The following LRBA variants were observed in gnomAD, a reference collection of about 807,000 sequenced individuals.
LRBA encodes LPS responsive beige-like anchor protein.
Under a neutral mutation model 330.0 loss-of-function variants are expected in LRBA, and 176 were observed. The ratio of observed to expected loss-of-function variants is 0.53; its 90% CI spans 0.47 to 0.60. The LOEUF (loss-of-function observed/expected upper bound fraction) is 0.60. Ranked by LOEUF, LRBA falls within the 20% of genes least tolerant of loss-of-function variation. The pLI, the probability that LRBA is intolerant of heterozygous loss-of-function variation, is 0.00. For missense variants in LRBA, 3,259 were observed against 3,444.8 expected (o/e 0.95, Z 1.35); for synonymous variants, 1,230 against 1,193.0 (o/e 1.03, Z -0.64).
At chr4:150,561,989 C>A (rs996892385) in intron 40 of LRBA, among the ~76,000 whole-genome samples, 3 of 152,098 alleles carry the variant, frequency 2.0e-5, no homozygotes, top group Admixed American at 6.6e-5. Flanking sequence ...TATCTATTAT[C>A]TATTACTACC....
intron 42 of LRBA, among the ~76,000 whole-genome samples, chr4:150,472,534 A>G (rs1756258525): frequency 6.6e-6 from 1 of 152,134 alleles, no homozygotes; most frequent in African/African-American, 2.4e-5. Context: ...CAATTATCAC[A>G]ATTCACTTTA....
intron 37 of LRBA, among the ~76,000 whole-genome samples, chr4:150,628,569 C>T (rs775789949): frequency 6.6e-6 from 1 of 152,134 alleles, no homozygotes; most frequent in Non-Finnish European, 1.5e-5. Flanking sequence ...ATCATTACAA[C>T]AGGACATGCA....
At chr4:150,700,232 A>T (rs1245069005) in intron 36 of LRBA, among the ~76,000 whole-genome samples, 1 of 152,174 alleles carries the variant, frequency 6.6e-6, no homozygotes, top group Middle Eastern at 3.2e-3. Context: ...GCCACAATTT[A>T]TATTTGTATA....
At chr4:150,287,853 A>G (rs1007342326) in intron 53 of LRBA, among the ~76,000 whole-genome samples, 1 of 152,214 alleles carries the variant, frequency 6.6e-6, no homozygotes, top group African/African-American at 2.4e-5. Flanking sequence ...GAAAGTTGAC[A>G]TTTCCCAAGC....
chr4:150,775,952 A>C (rs1415411799), intron 34 of LRBA, among the ~76,000 whole-genome samples: 1 of 152,084 alleles, frequency 6.6e-6, no homozygotes, highest in Non-Finnish European at 1.5e-5. Flanking sequence ...AAAAAAAAGA[A>C]AGAAAAATAT....
At chr4:150,266,862 A>G (rs1745409967) in intron 56 of LRBA, among the ~76,000 whole-genome samples, 1 of 152,234 alleles carries the variant, frequency 6.6e-6, no homozygotes, top group African/African-American at 2.4e-5. Flanking sequence ...AAGTGAAAGG[A>G]TGGAAAAGAT....
chr4:150,994,260 C>T (rs1226797244), intron 2 of LRBA, among the ~76,000 whole-genome samples: 1 of 152,082 alleles, frequency 6.6e-6, no homozygotes, highest in African/African-American at 2.4e-5. Flanking sequence ...GAACAGGGTG[C>T]TCTGAGGCTG....
chr4:150,985,531 C>T (rs972394567), intron 2 of LRBA, among the ~76,000 whole-genome samples: 4 of 150,050 alleles, frequency 2.7e-5, no homozygotes, highest in Non-Finnish European at 4.4e-5. Flanking sequence ...TGGAGTCTCG[C>T]TCTATTGCCC....
Position 150,310,364 on chromosome 4 carries a change from T to G in LRBA, c.7714A>C (p.Arg2572=). The change falls in exon 52 of 57, where the codon AGG becomes CGG. Residue 2572 remains arginine (R), a synonymous_variant. Coordinates refer to ENST00000651943, the MANE Select transcript of LRBA (RefSeq NM_001364905.1). ...PLIASNTGMH[R]RQITDLLDQS... is the part of the protein sequence containing the mutation. ...TCTAAAAGGTCAGTGATTTGCCTCC[T>G]GTGCATTCCTGTATTGCTGGCTGTA... 1 of 1,613,284 alleles carries G rather than the reference T, an allele frequency of 6.2e-7. No individual in the cohort carries two copies. Among genetic ancestry groups the G allele is most frequent in the Non-Finnish European group, 8.5e-7 (1 of 1,179,490 alleles).
At chr4:151,011,597 CA>C (rs77338885) in intron 2 of LRBA, among the ~76,000 whole-genome samples, 18,050 of 89,748 alleles carry the variant, frequency 0.2, 972 homozygotes, top group Non-Finnish European at 0.31. Context: ...GACTCTATCT[CA>C]AAAAAAAAAA....
intron 37 of LRBA, among the ~76,000 whole-genome samples, chr4:150,638,322 C>T (rs796854834): frequency 5.3e-5 from 8 of 152,232 alleles, no homozygotes; most frequent in South Asian, 2.1e-4. Flanking sequence ...CCACCACGCC[C>T]GGCCAACTTC....
chr4:150,466,252 C>T (rs1290791222), intron 44 of LRBA, among the ~76,000 whole-genome samples: 3 of 151,792 alleles, frequency 2.0e-5, no homozygotes, highest in Admixed American at 6.6e-5. Flanking sequence ...GTAGGAATTA[C>T]TCCTGAACAT....
intron 30 of LRBA, among the ~76,000 whole-genome samples, chr4:150,825,871 T>C (rs1222786849): frequency 1.3e-5 from 2 of 152,172 alleles, no homozygotes; most frequent in Admixed American, 1.3e-4. Flanking sequence ...TCTGTAGCTA[T>C]GGTTGCCTGC....
intron 36 of LRBA, among the ~76,000 whole-genome samples, chr4:150,734,056 C>T (rs995271727): frequency 4.6e-5 from 7 of 152,036 alleles, no homozygotes; most frequent in African/African-American, 1.7e-4. Context: ...ACTCATTTTT[C>T]CTGATTTTAA....
intron 2 of LRBA, among the ~76,000 whole-genome samples, chr4:150,973,995 T>C (rs554922633): frequency 6.6e-6 from 1 of 152,336 alleles, no homozygotes; most frequent in Admixed American, 6.5e-5. Context: ...CACAAAAATA[T>C]TCATGTTCAG....
chr4:150,738,538 G>A (rs1560751992), intron 35 of LRBA, among the ~76,000 whole-genome samples: 1 of 152,102 alleles, frequency 6.6e-6, no homozygotes, highest in East Asian at 1.9e-4. Context: ...AACAATTGGA[G>A]CAATGAAAAT....
chr4:150,325,076 A>G (rs1258395597), intron 49 of LRBA, among the ~76,000 whole-genome samples: 1 of 152,074 alleles, frequency 6.6e-6, no homozygotes, highest in Non-Finnish European at 1.5e-5. Flanking sequence ...TAGGTTCAAA[A>G]GCAAGCCTCA....
At chr4:150,484,773 T>C (rs967014350) in intron 42 of LRBA, among the ~76,000 whole-genome samples, 1 of 151,908 alleles carries the variant, frequency 6.6e-6, no homozygotes, top group Non-Finnish European at 1.5e-5. Context: ...CCTTCTTAAA[T>C]AAAATCATTT....
chr4:150,446,247 G>A (rs1340554380), intron 44 of LRBA, among the ~76,000 whole-genome samples: 2 of 152,168 alleles, frequency 1.3e-5, no homozygotes, highest in Non-Finnish European at 1.5e-5. Context: ...CATCTGAGTT[G>A]TAAGGCATTT....
Sources: gnomAD v4.1 joint callset for allele counts (sites outside exome capture counted in the v4.1 genomes callset) on GRCh38, gnomAD v4.1.1 for gene constraint, MANE v1.5 for transcripts, NCBI Gene and HGNC (gene_info 2026-07-23, HGNC 2026-07-21) for gene names.